DNAH11: variants seen among roughly 807,000 people sequenced by gnomAD.
DNAH11 encodes the protein axonemal beta dynein heavy chain 11.
DNAH11 carries 442 observed loss-of-function variants against 526.0 expected under a neutral mutation model. The ratio of observed to expected loss-of-function variants is 0.84; its 90% CI spans 0.78 to 0.91. The LOEUF is 0.91. DNAH11 is among the 40% of genes least tolerant of loss of function. The pLI, the probability that DNAH11 is intolerant of heterozygous loss-of-function variation, is 0.00. For synonymous variants in DNAH11, 2,461 were observed against 1,935.9 expected, an observed-to-expected ratio of 1.27 and a Z score of -7.12; for missense variants, 6,989 against 5,448.7, an observed-to-expected ratio of 1.28 and a Z score of -8.90.
intron 52 of DNAH11, 150 bp from the exon 53 acceptor site, chr7:21,749,528 G>T (rs921411876): frequency 2.1e-6 from 2 of 942,960 alleles, no homozygotes; most frequent in Non-Finnish European, 3.1e-6. Context: ...CTAGAATGGG[G>T]TCTCTCAGAG....
At chr7:21,694,859 C>T (rs1783782876) in intron 35 of DNAH11, among the ~76,000 whole-genome samples, 1 of 152,188 alleles carries the variant, frequency 6.6e-6, no homozygotes, top group Non-Finnish European at 1.5e-5. Flanking sequence ...TCGCCAGCAT[C>T]TGTTGTTTCC....
At chr7:21,626,112 A>G (rs2128456446) in intron 25 of DNAH11, among the ~76,000 whole-genome samples, 1 of 152,298 alleles carries the variant, frequency 6.6e-6, no homozygotes, top group African/African-American at 2.4e-5. Flanking sequence ...TACACAATAG[A>G]TTATTGTAAA....
chr7:21,877,930 A>C (rs1783781779), intron 74 of DNAH11, among the ~76,000 whole-genome samples: 1 of 150,798 alleles, frequency 6.6e-6, no homozygotes, highest in Admixed American at 6.6e-5. Context: ...GTAAAGGAGT[A>C]CTCTTTTGGC....
chr7:21,899,883 C>A, intron 80 of DNAH11, 97 bp from the exon 81 acceptor site: 1 of 1,457,692 alleles, frequency 6.9e-7, no homozygotes, highest in Non-Finnish European at 9.3e-7. Context: ...ACCTAAAACA[C>A]CCTATGGGAC....
chr7:21,829,240 C>T (rs567433749), intron 65 of DNAH11, among the ~76,000 whole-genome samples: 123 of 151,848 alleles, frequency 8.1e-4, no homozygotes, highest in African/African-American at 2.8e-3. Flanking sequence ...CCCCACCCCC[C>T]GCCAATTAGT....
intron 13 of DNAH11, 65 bp downstream of exon 13, chr7:21,591,087 AATT>A: frequency 7.2e-7 from 1 of 1,380,578 alleles, no homozygotes; most frequent in Non-Finnish European, 9.5e-7. Context: ...TTTGAATTTT[AATT>A]ATTATATAGA....
intron 68 of DNAH11, 99 bp from the exon 69 acceptor site, chr7:21,861,754 C>A: frequency 6.8e-7 from 1 of 1,462,746 alleles, no homozygotes; most frequent in Non-Finnish European, 9.2e-7. Context: ...CATTCTCACT[C>A]CCTATAGATA....
At position 21,901,473 on chromosome 7, in the gene DNAH11, G is replaced by A; in HGVS notation, c.*219G>A. 2.0e-6 allele frequency: 1 copy of A among 509,788 alleles called. No individual in the cohort carries two copies. The highest frequency in any genetic ancestry group is 2.9e-6 in the Non-Finnish European group (1 of 343,416). The allele number at this position is 509,788 out of a possible 1,614,324, so 31.6% of individuals were successfully genotyped here. On this transcript the variant is annotated 3_prime_UTR_variant, in exon 82 of 82. Transcript: ENST00000409508. ...GACTGTAATCCCAGTTACTCAGGAG[G>A]TAGGAGAATCACTTGAACCTAGGAG...
chr7:21,578,018 A>G (rs1331177043), intron 8 of DNAH11, among the ~76,000 whole-genome samples: 8 of 152,178 alleles, frequency 5.3e-5, no homozygotes, highest in African/African-American at 1.9e-4. Context: ...AGAAAGCATA[A>G]CTGGGAGGCC....
At chr7:21,847,771 G>A (rs1782472101) in intron 66 of DNAH11, among the ~76,000 whole-genome samples, 1 of 152,276 alleles carries the variant, frequency 6.6e-6, no homozygotes, top group South Asian at 2.1e-4. Flanking sequence ...GTTTTGAATT[G>A]TCCAGCTATA....
chr7:21,602,478 C>G (rs1247688249), intron 18 of DNAH11, among the ~76,000 whole-genome samples: 2 of 152,204 alleles, frequency 1.3e-5, no homozygotes, highest in African/African-American at 2.4e-5. Flanking sequence ...AACAAAGTCT[C>G]TTTAATTAGA....
In DNAH11 at chr7:21,588,187, G is replaced by C; in HGVS notation, c.1834G>C (p.Glu612Gln). 6.2e-7 allele frequency: 1 copy of C among 1,612,010 alleles called. No homozygotes were observed. Among genetic ancestry groups the C allele is most frequent in the Non-Finnish European group, 8.5e-7 (1 of 1,179,246 alleles). Residue 612 changes from glutamate (E) to glutamine (Q), a missense_variant, in exon 10 of 82, where the codon GAA becomes CAA. By Grantham distance (29) the Glu-to-Gln change is conservative. Coordinates refer to ENST00000409508, the MANE Select transcript of DNAH11 (RefSeq NM_001277115.2). ...GGATGTGTGTAAGCAACTGTATAATGAACACATGAAACAGGTAAGTGGTGG... is the reference window on the plus strand; with the variant it reads ...GGATGTGTGTAAGCAACTGTATAATCAACACATGAAACAGGTAAGTGGTGG... ...ELDVCKQLYN[E>Q]HMKQIECGHV...
intron 66 of DNAH11, among the ~76,000 whole-genome samples, chr7:21,850,608 CTTTT>C (rs3062635): frequency 3.3e-4 from 21 of 62,688 alleles, no homozygotes; most frequent in African/African-American, 9.7e-4. Flanking sequence ...CTGTCTTCTT[CTTTT>C]TTTTTTTTTT....
chr7:21,702,626 T>TA (rs1383982881), intron 36 of DNAH11, 84 bp from the exon 37 acceptor site: 2 of 1,159,800 alleles, frequency 1.7e-6, no homozygotes, highest in Non-Finnish European at 2.5e-6. Flanking sequence ...AACTCCTTCT[T>TA]AAAAACTTTC....
At chr7:21,887,904 C>T (rs1562604823) in intron 76 of DNAH11, among the ~76,000 whole-genome samples, 1 of 152,136 alleles carries the variant, frequency 6.6e-6, no homozygotes, top group African/African-American at 2.4e-5. Flanking sequence ...AACTCGTAAT[C>T]AGACTCCAAA....
chr7:21,764,445 C>G (rs1398588042), intron 54 of DNAH11, among the ~76,000 whole-genome samples: 1 of 151,880 alleles, frequency 6.6e-6, no homozygotes, highest in Non-Finnish European at 1.5e-5. Flanking sequence ...ATCATCAGGT[C>G]TGAGCCATTT....
In DNAH11 at chr7:21,674,868, G is replaced by T. The variant is rs561978132; in HGVS notation, c.5329-6678G>T. Among the ~76,000 whole-genome samples the T allele has an allele frequency of 5.3e-5, 8 of 151,630 alleles. No individual in the cohort carries two copies. In the South Asian group the frequency reaches 1.7e-3, roughly 32 times the overall value. ...CGTGCCCAACTGCAGAAAAAAAAAA[G>T]AACAAAAAACCAACATACTTCACTA... is the stretch of plus-strand genomic sequence containing the variant. On this transcript the variant is annotated intron_variant, in intron 30 of 81. Transcript: ENST00000409508.
At chr7:21,705,088 T>G (rs896464286) in intron 38 of DNAH11, among the ~76,000 whole-genome samples, 1 of 152,248 alleles carries the variant, frequency 6.6e-6, no homozygotes, top group African/African-American at 2.4e-5. Context: ...GCATGGATAT[T>G]GAACACTATA....
intron 20 of DNAH11, among the ~76,000 whole-genome samples, chr7:21,609,028 C>A (rs1430197474): frequency 1.3e-5 from 2 of 152,042 alleles, no homozygotes; most frequent in Non-Finnish European, 2.9e-5. Context: ...GCATCTCAGT[C>A]CACAAGACAG....
Sources: allele counts gnomAD v4.1 joint callset (sites outside exome capture counted in the v4.1 genomes callset), GRCh38; gene constraint gnomAD v4.1.1; transcripts MANE v1.5; gene names NCBI Gene and HGNC (gene_info 2026-07-23, HGNC 2026-07-21).